Variants in GPR158 observed in about 807,000 individuals in gnomAD.
The protein encoded by GPR158 is metabotropic glycine receptor.
A neutral mutation model predicts 78.2 loss-of-function variants in GPR158; 30 were observed. The ratio of observed to expected loss-of-function variants is 0.38; its 90% CI spans 0.29 to 0.52. The LOEUF is 0.52. Among genes scored for constraint, GPR158 ranks in the 20% least tolerant of loss-of-function variants. The pLI is 0.83. For missense variants in GPR158, 1,463 were observed against 1,523.5 expected, an observed-to-expected ratio of 0.96 and a Z score of 0.66; for synonymous variants, 581 against 591.1, an observed-to-expected ratio of 0.98 and a Z score of 0.25.
intron 2 of GPR158, among the ~76,000 whole-genome samples, chr10:25,245,574 G>A (rs1853679502): frequency 6.6e-6 from 1 of 152,066 alleles, no homozygotes; most frequent in Non-Finnish European, 1.5e-5. Context: ...ACCTTGATTT[G>A]TGACATCATT....
At chr10:25,482,287 G>A (rs1028390675) in intron 5 of GPR158, among the ~76,000 whole-genome samples, 7 of 152,060 alleles carry the variant, frequency 4.6e-5, no homozygotes, top group Admixed American at 2.0e-4. Context: ...GGGCTTATGC[G>A]ATCCTCCCAC....
At chr10:25,248,348 T>G (rs951958776) in intron 2 of GPR158, among the ~76,000 whole-genome samples, 1 of 152,202 alleles carries the variant, frequency 6.6e-6, no homozygotes, top group Non-Finnish European at 1.5e-5. Context: ...ATTTTGTCTT[T>G]TGTTGCCATT....
At chr10:25,556,430 C>T (rs940848870) in intron 6 of GPR158, among the ~76,000 whole-genome samples, 3 of 152,148 alleles carry the variant, frequency 2.0e-5, no homozygotes, top group African/African-American at 7.2e-5. Flanking sequence ...ACATTGCATT[C>T]TGACTAGAAA....
intron 1 of GPR158, among the ~76,000 whole-genome samples, chr10:25,211,376 G>T (rs1237939461): frequency 6.6e-6 from 1 of 152,168 alleles, no homozygotes; most frequent in African/African-American, 2.4e-5. Context: ...GAAGTCCATT[G>T]TTGGGAGGCC....
chr10:25,285,468 G>A (rs536815688), intron 2 of GPR158, among the ~76,000 whole-genome samples: 16 of 152,278 alleles, frequency 1.1e-4, no homozygotes, highest in African/African-American at 3.6e-4. Flanking sequence ...CTCAGAACCA[G>A]GGAAGCCAAT....
intron 5 of GPR158, among the ~76,000 whole-genome samples, chr10:25,485,690 A>G (rs1835726918): frequency 6.6e-6 from 1 of 152,212 alleles, no homozygotes; most frequent in Non-Finnish European, 1.5e-5. Flanking sequence ...CTTTAAAAAT[A>G]CTTTATATAA....
chr10:25,257,835 T>G (rs900988369), intron 2 of GPR158, among the ~76,000 whole-genome samples: 1 of 152,194 alleles, frequency 6.6e-6, no homozygotes, highest in African/African-American at 2.4e-5. Context: ...GTAGGCTTGT[T>G]TTGCAAGTTT....
chr10:25,518,227 A>G (rs1489474927), intron 5 of GPR158, among the ~76,000 whole-genome samples: 1 of 84,422 alleles, frequency 1.2e-5, no homozygotes, highest in Non-Finnish European at 2.3e-5. Flanking sequence ...TATCCCCTTT[A>G]TCATTTTTTA....
At chr10:25,496,114 G>C (rs6482486) in intron 5 of GPR158, among the ~76,000 whole-genome samples, 16,558 of 152,086 alleles carry the variant, frequency 0.11, 2,005 homozygotes, top group East Asian at 0.49. Context: ...GGCTAATTCA[G>C]TACTTTATTA....
chr10:25,531,318 G>A (rs1426706991), intron 5 of GPR158, among the ~76,000 whole-genome samples: 1 of 152,138 alleles, frequency 6.6e-6, no homozygotes, highest in Admixed American at 6.6e-5. Context: ...GAAACATCAA[G>A]TAGGTAACAA....
chr10:25,598,738 A>G lies in GPR158; in HGVS notation c.3112A>G (p.Lys1038Glu). Residue 1038 changes from lysine (K) to glutamate (E), a missense_variant, in exon 11 of 11, where the codon AAA (lysine) becomes GAA (glutamate). By Grantham distance (56) the Lys-to-Glu change is moderately conservative (BLOSUM62 1). Coordinates refer to ENST00000376351, the MANE Select transcript of GPR158 (RefSeq NM_020752.3). ...ATCTATTGTGGCTTCTGAAATGGAGAAAAACCCCACTTTTTCCTTAAAGGA... is the reference window on the plus strand; with the variant it reads ...ATCTATTGTGGCTTCTGAAATGGAGGAAAACCCCACTTTTTCCTTAAAGGA... ...HVSIVASEME[K>E]NPTFSLKEKS... 4.3e-6 allele frequency: 7 copies of G among 1,614,042 alleles called. No homozygotes were observed. Among genetic ancestry groups the G allele is most frequent in the Non-Finnish European group, 5.9e-6 (7 of 1,180,006 alleles).
chr10:25,319,859 G>A (rs1250631322), intron 2 of GPR158, among the ~76,000 whole-genome samples: 1 of 143,148 alleles, frequency 7.0e-6, no homozygotes, highest in Non-Finnish European at 1.5e-5. Flanking sequence ...GATTTTCTGT[G>A]TACTGTGGCA....
At chr10:25,572,991 A>T (rs1271993916) in intron 7 of GPR158, 104 bp downstream of exon 7, 1 of 732,344 alleles carries the variant, frequency 1.4e-6, no homozygotes, top group Non-Finnish European at 2.5e-6. Context: ...GCCTAAACTA[A>T]TCTCACCTAA....
intron 2 of GPR158, among the ~76,000 whole-genome samples, chr10:25,264,248 G>A (rs1854010919): frequency 6.6e-6 from 1 of 152,156 alleles, no homozygotes; most frequent in African/African-American, 2.4e-5. Flanking sequence ...CATCTCCCAA[G>A]GCAAGGTGGT....
intron 2 of GPR158, among the ~76,000 whole-genome samples, chr10:25,384,686 A>G (rs116776073): frequency 0.015 from 1,446 of 95,532 alleles, 30 homozygotes; most frequent in African/African-American, 0.056. Context: ...GTTTTTCGGC[A>G]CAAGTATTAT....
intron 5 of GPR158, among the ~76,000 whole-genome samples, chr10:25,503,233 C>A (rs973551190): frequency 6.6e-6 from 1 of 151,758 alleles, no homozygotes; most frequent in East Asian, 1.9e-4. Flanking sequence ...TATAATCAAC[C>A]GGACATGGTT....
At chr10:25,201,404 A>G (rs1852926977) in intron 1 of GPR158, among the ~76,000 whole-genome samples, 1 of 152,164 alleles carries the variant, frequency 6.6e-6, no homozygotes, top group African/African-American at 2.4e-5. Flanking sequence ...TTGGGCAGAG[A>G]TTACAGAGTT....
chr10:25,375,818 G>A (rs1834071112), intron 2 of GPR158, among the ~76,000 whole-genome samples: 1 of 151,476 alleles, frequency 6.6e-6, no homozygotes, highest in Admixed American at 6.6e-5. Context: ...ATATTGAATA[G>A]ATTGATTTCT....
rs181532184 is a variant in GPR158 at position 25,366,334 on chromosome 10, A to G, written c.1009-29577A>G. Among the ~76,000 whole-genome samples, 350 of 150,926 alleles carry G rather than the reference A, an allele frequency of 2.3e-3. 1 individual carries two copies. Among genetic ancestry groups the G allele is most frequent in the Middle Eastern group, 0.014 (4 of 290 alleles). On this transcript the variant is annotated intron_variant, in intron 2 of 10. Coordinates refer to ENST00000376351, the MANE Select transcript of GPR158 (RefSeq NM_020752.3). Reference sequence around the variant, plus strand: ...ACCTATATCCAGATTACATCAATTTATACATTCACCAGCTCTTTGTGAGGT... The same window carrying G: ...ACCTATATCCAGATTACATCAATTTGTACATTCACCAGCTCTTTGTGAGGT...
Sources: gnomAD v4.1 joint callset for allele counts (sites outside exome capture counted in the v4.1 genomes callset) on GRCh38, gnomAD v4.1.1 for gene constraint, MANE v1.5 for transcripts, NCBI Gene and HGNC (gene_info 2026-07-23, HGNC 2026-07-21) for gene names.